NDNF: variants seen among roughly 807,000 people sequenced by gnomAD.
The protein encoded by NDNF is neuron derived neurotrophic factor.
In NDNF, 16 loss-of-function variants were observed where a neutral mutation model predicts 42.0. That is an observed-to-expected ratio of 0.38 (90% CI 0.26 to 0.58). NDNF has a LOEUF of 0.58. Ranked by LOEUF, NDNF falls within the 20% of genes least tolerant of loss-of-function variation. The pLI is 0.67. For synonymous variants in NDNF, 248 were observed against 251.7 expected (o/e 0.99, Z 0.14); for missense variants, 616 against 666.2 (o/e 0.92, Z 0.83).
At chr4:121,042,622 C>T (rs530386038) in intron 2 of NDNF, among the ~76,000 whole-genome samples, 1 of 151,986 alleles carries the variant, frequency 6.6e-6, no homozygotes, top group Admixed American at 6.6e-5. Flanking sequence ...GAATTTTGTC[C>T]CTTTGGCCAG....
intron 2 of NDNF, among the ~76,000 whole-genome samples, chr4:121,042,697 A>G (rs371859738): frequency 5.9e-4 from 90 of 152,330 alleles, no homozygotes; most frequent in African/African-American, 2.1e-3. Context: ...AGGAATAGGT[A>G]CAACAATATA....
chr4:121,062,340 C>A (rs930803638), intron 1 of NDNF, among the ~76,000 whole-genome samples: 1 of 152,190 alleles, frequency 6.6e-6, no homozygotes, highest in Non-Finnish European at 1.5e-5. Flanking sequence ...TGGTTCAAAG[C>A]CGAGCGTGCT....
At chr4:121,057,605 C>T (rs1002701602) in intron 1 of NDNF, among the ~76,000 whole-genome samples, 1 of 152,196 alleles carries the variant, frequency 6.6e-6, no homozygotes, top group African/African-American at 2.4e-5. Context: ...TAGAGGCTCT[C>T]CGGCTCGCCC....
chr4:121,065,347 C>T (rs1161379910), intron 1 of NDNF, among the ~76,000 whole-genome samples: 4 of 151,798 alleles, frequency 2.6e-5, no homozygotes, highest in Admixed American at 1.3e-4. Context: ...GCAAGGAGGG[C>T]ACCCCCTTTT....
At chr4:121,055,259 A>C (rs1252466414) in intron 1 of NDNF, among the ~76,000 whole-genome samples, 1 of 152,188 alleles carries the variant, frequency 6.6e-6, no homozygotes. Context: ...TGAAACAAAA[A>C]GATCAGATGA....
intron 1 of NDNF, among the ~76,000 whole-genome samples, chr4:121,046,940 G>T (rs1258685154): frequency 6.6e-6 from 1 of 152,076 alleles, no homozygotes. Flanking sequence ...AATATGTAAA[G>T]AATTGTTTTC....
At position 121,060,484 on chromosome 4, in the gene NDNF, C is replaced by A. The variant is rs868386395; in HGVS notation, c.-2+11509G>T. Among the ~76,000 whole-genome samples the A allele has an allele frequency of 7.2e-5, 11 of 151,956 alleles. No individual in the cohort carries two copies. The South Asian group carries it at 1.7e-3, about 23-fold the overall frequency. On this transcript the variant is annotated intron_variant, in intron 1 of 3. Transcript: ENST00000379692. ...GTGTGAGCCACCGTGCCCAGCTTAC[C>A]TTTTTTACATTAAAAAAAAAAGTTT...
chr4:121,070,703 T>C (rs971216601), intron 1 of NDNF, among the ~76,000 whole-genome samples: 6 of 152,224 alleles, frequency 3.9e-5, no homozygotes, highest in African/African-American at 1.2e-4. Context: ...ACAAAGTTGC[T>C]AAAAAGAACT....
intron 1 of NDNF, among the ~76,000 whole-genome samples, chr4:121,070,341 C>A (rs2148774224): frequency 6.6e-6 from 1 of 152,296 alleles, no homozygotes; most frequent in African/African-American, 2.4e-5. Context: ...CCATCAAATC[C>A]CCTGCAACCG....
At chr4:121,041,689 A>T (rs1727000154) in intron 2 of NDNF, among the ~76,000 whole-genome samples, 1 of 152,162 alleles carries the variant, frequency 6.6e-6, no homozygotes, top group East Asian at 1.9e-4. Context: ...GTGAAAGTGG[A>T]GGTATGGGAA....
At chr4:121,068,160 A>T (rs900800584) in intron 1 of NDNF, among the ~76,000 whole-genome samples, 27 of 152,258 alleles carry the variant, frequency 1.8e-4, no homozygotes, top group African/African-American at 6.3e-4. Flanking sequence ...TTATTTTTTA[A>T]CAACAGCAGC....
intron 1 of NDNF, among the ~76,000 whole-genome samples, chr4:121,046,442 A>G (rs1281900786): frequency 1.3e-5 from 2 of 152,222 alleles, no homozygotes; most frequent in Non-Finnish European, 2.9e-5. Context: ...TTTTTCCAAG[A>G]TCAAATTTTC....
chr4:121,063,393 G>A (rs79177027), intron 1 of NDNF, among the ~76,000 whole-genome samples: 1,993 of 151,854 alleles, frequency 0.013, 50 homozygotes, highest in African/African-American at 0.045. Flanking sequence ...TCCTTTTTCC[G>A]ATAACTTGTC....
intron 1 of NDNF, among the ~76,000 whole-genome samples, chr4:121,057,312 G>T (rs1021831038): frequency 6.6e-6 from 1 of 152,192 alleles, no homozygotes; most frequent in Non-Finnish European, 1.5e-5. Flanking sequence ...AGAGTCATGG[G>T]ATTTTGGAAC....
intron 1 of NDNF, among the ~76,000 whole-genome samples, chr4:121,061,676 C>T (rs1727411477): frequency 6.6e-6 from 1 of 152,106 alleles, no homozygotes; most frequent in African/African-American, 2.4e-5. Context: ...ATCCCCCCAC[C>T]AACGATTATG....
chr4:121,064,171 C>T (rs1270888993), intron 1 of NDNF, among the ~76,000 whole-genome samples: 1 of 152,132 alleles, frequency 6.6e-6, no homozygotes, highest in African/African-American at 2.4e-5. Flanking sequence ...AGAGTTACAA[C>T]TTTATTTAAA....
intron 1 of NDNF, among the ~76,000 whole-genome samples, chr4:121,056,084 T>C (rs879785911): frequency 6.6e-6 from 1 of 152,150 alleles, no homozygotes; most frequent in Non-Finnish European, 1.5e-5. Context: ...TCCAAACAGA[T>C]AGGCTAAATA....
chr4:121,040,899 C>T (rs150087454), intron 2 of NDNF, among the ~76,000 whole-genome samples: 264 of 152,292 alleles, frequency 1.7e-3, no homozygotes, highest in Middle Eastern at 6.8e-3. Context: ...CCTGCCTCAG[C>T]CTTCCAAAGC....
intron 1 of NDNF, among the ~76,000 whole-genome samples, chr4:121,049,425 C>G (rs1477046157): frequency 6.6e-6 from 1 of 152,146 alleles, no homozygotes. Context: ...TGCCCGCTGG[C>G]CCTCTTTGCA....
Sources: gnomAD v4.1 joint callset for allele counts (sites outside exome capture counted in the v4.1 genomes callset) on GRCh38, gnomAD v4.1.1 for gene constraint, MANE v1.5 for transcripts, NCBI Gene and HGNC (gene_info 2026-07-23, HGNC 2026-07-21) for gene names.